Variants in SDF4 observed in about 807,000 individuals in gnomAD.
The protein encoded by SDF4 is 45 kDa calcium-binding protein.
A neutral mutation model predicts 34.2 loss-of-function variants in SDF4; 22 were observed. The observed-to-expected ratio is 0.64, with a 90% CI of 0.46 to 0.92. SDF4 has a LOEUF of 0.92. Among genes scored for constraint, SDF4 ranks in the 40% least tolerant of loss-of-function variants. The pLI is 0.00. For missense variants in SDF4, 447 were observed against 499.9 expected (o/e 0.89, Z 1.01); for synonymous variants, 236 against 203.1 (o/e 1.16, Z -1.38).
chr1:1,225,277 C>T (rs541692654), intron 2 of SDF4, among the ~76,000 whole-genome samples: 78 of 152,336 alleles, frequency 5.1e-4, no homozygotes, highest in African/African-American at 1.9e-3. Flanking sequence ...CCGGCTGGTG[C>T]GTTTGCCGGA....
rs1230562875 is a variant in SDF4, at chr1:1,218,953, T to C, written c.557-26A>G. 3 of 1,611,880 alleles carry C rather than the reference T, an allele frequency of 1.9e-6. No homozygotes were observed. Among genetic ancestry groups the C allele is most frequent in the Non-Finnish European group, 2.5e-6 (3 of 1,179,498 alleles). The stretch of plus-strand genomic sequence containing the variant: ...CTGAGAGGGGCGCAGCCTGTGGGTA[T>C]CGAGGCCGACAGACGCCAGCACGCA... On this transcript the variant is annotated intron_variant, in intron 4 of 6. Coordinates refer to ENST00000360001, the MANE Select transcript of SDF4 (RefSeq NM_016176.6). This position sits in a 1 kb window ranked among gnomAD's most constrained non-coding sequence, Gnocchi z 7.9.
At position 1,217,308 on chromosome 1, in the gene SDF4, G is replaced by A. The variant is rs1157690465; in HGVS notation, c.*204C>T. 3 of 253,048 alleles carry A rather than the reference G, an allele frequency of 1.2e-5. No homozygotes were observed. The highest frequency in any genetic ancestry group is 2.3e-5 in the African/African-American group (1 of 43,094). The allele number at this position is 253,048 out of a possible 1,614,324, so 15.7% of individuals were successfully genotyped here. ...CCGCGGGGCCACAGCCCAGCCCCGC[G>A]CCCCGACCGCGTCACAGCCAAAGCC... is the stretch of plus-strand genomic sequence containing the variant. On this transcript the variant is annotated 3_prime_UTR_variant, in exon 7 of 7. Coordinates refer to ENST00000360001, the MANE Select transcript of SDF4 (RefSeq NM_016176.6). The surrounding 1 kb of genome is among the most constrained non-coding windows in gnomAD (Gnocchi z 8.5).
Position 1,218,661 on chromosome 1 carries a change from A to T in SDF4, c.716-28T>A. 1 of 1,612,766 alleles carries T rather than the reference A, an allele frequency of 6.2e-7. No homozygotes were observed. The highest frequency in any genetic ancestry group is 1.1e-5 in the South Asian group (1 of 91,046). On this transcript the variant is annotated intron_variant, in intron 5 of 6. Coordinates refer to ENST00000360001, the MANE Select transcript of SDF4 (RefSeq NM_016176.6). This position sits in a 1 kb window ranked among gnomAD's most constrained non-coding sequence, Gnocchi z 7.9. ...GCGAGACGGGAATGGGTCAGCCCAC[A>T]CCCAGGCTGGGGCTCCCGCAGGACC...
chr1:1,220,904 G>A (rs1213710755), intron 4 of SDF4: 3 of 469,034 alleles, frequency 6.4e-6, no homozygotes, highest in Non-Finnish European at 1.1e-5. Flanking sequence ...CCGGGGTGGA[G>A]GCACGAACCG....
chr1:1,220,621 G>C, intron 4 of SDF4: 1 of 1,289,140 alleles, frequency 7.8e-7, no homozygotes, highest in Non-Finnish European at 1.0e-6. Flanking sequence ...AGCATGCATG[G>C]GGACCCCCAA....
intron 2 of SDF4, among the ~76,000 whole-genome samples, chr1:1,226,415 A>G (rs1638310308): frequency 6.6e-6 from 1 of 152,102 alleles, no homozygotes; most frequent in African/African-American, 2.4e-5. Flanking sequence ...CGGTCAGGAG[A>G]AAACACATCC....
chr1:1,228,919 C>T lies in SDF4; in HGVS notation c.-147G>A, dbSNP rs937143254. 1.1e-4 allele frequency: 75 copies of T among 687,078 alleles called. No homozygotes were observed. The highest frequency in any genetic ancestry group is 1.0e-3 in the African/African-American group (58 of 55,570). The allele number at this position is 687,078 out of a possible 1,614,324, so 42.6% of individuals were successfully genotyped here. On this transcript the variant is annotated 5_prime_UTR_variant, in exon 2 of 7. Transcript: ENST00000360001. ...GAGGGCTCTGTGTCCCCAGGACGGC[C>T]GCAGGATGGGGACAAGCAGCTCACA... is the stretch of plus-strand genomic sequence containing the variant.
At position 1,218,422 on chromosome 1, in the gene SDF4, G is replaced by T; in HGVS notation, c.891+36C>A. The T allele has an allele frequency of 1.3e-6, 2 of 1,596,598 alleles. No individual in the cohort carries two copies. Among genetic ancestry groups the T allele is most frequent in the Non-Finnish European group, 1.7e-6 (2 of 1,175,212 alleles). On this transcript the variant is annotated intron_variant, in intron 6 of 6. Coordinates refer to ENST00000360001, the MANE Select transcript of SDF4 (RefSeq NM_016176.6). The surrounding 1 kb of genome is among the most constrained non-coding windows in gnomAD (Gnocchi z 7.9). ...GCCCCTCCCGCCACAGCACCTCGCA[G>T]GGCCGGCTCCGGGACACGGCTGCGC... is the stretch of plus-strand genomic sequence containing the variant.
chr1:1,230,876 C>A (rs1245835051), intron 1 of SDF4, among the ~76,000 whole-genome samples: 1 of 152,220 alleles, frequency 6.6e-6, no homozygotes, highest in Non-Finnish European at 1.5e-5. Context: ...GACACCTCCT[C>A]CTGGTGCTGA....
intron 4 of SDF4, chr1:1,219,223 C>T (rs1253140384): frequency 2.4e-6 from 3 of 1,235,094 alleles, no homozygotes; most frequent in African/African-American, 3.3e-5. Context: ...GCCCCAGACC[C>T]CCAATACATG....
Position 1,217,798 on chromosome 1 carries a change from G to C in SDF4, c.892-110C>G. ...CCTATTGGCTGCAGCGGGAGTGTGGGCACGTTCTGGAAGGTTCCCGAAGGG... is the reference window on the plus strand; with the variant it reads ...CCTATTGGCTGCAGCGGGAGTGTGGCCACGTTCTGGAAGGTTCCCGAAGGG... On this transcript the variant is annotated intron_variant, in intron 6 of 6. Transcript: ENST00000360001. The surrounding 1 kb of genome is among the most constrained non-coding windows in gnomAD (Gnocchi z 8.5). 4 of 1,583,100 alleles carry C rather than the reference G, an allele frequency of 2.5e-6. No homozygotes were observed. Among genetic ancestry groups the C allele is most frequent in the Non-Finnish European group, 3.4e-6 (4 of 1,166,516 alleles).
chr1:1,219,725 G>A, intron 4 of SDF4: 1 of 986,124 alleles, frequency 1.0e-6, no homozygotes, highest in Non-Finnish European at 1.2e-6. Context: ...GGGTCTCCAG[G>A]ACAGAAACAC....
chr1:1,220,997 G>T, intron 4 of SDF4: 1 of 350,422 alleles, frequency 2.9e-6, no homozygotes, highest in Non-Finnish European at 5.6e-6. Flanking sequence ...GCTTGTGCCT[G>T]TAATCCCGGC....
At chr1:1,226,939 C>T (rs1638330259) in intron 2 of SDF4, among the ~76,000 whole-genome samples, 1 of 152,180 alleles carries the variant, frequency 6.6e-6, no homozygotes, top group Admixed American at 6.5e-5. Flanking sequence ...GCCCCAGGGG[C>T]ACCAGCAGCC....
chr1:1,224,580 A>G (rs1638237621), intron 2 of SDF4, among the ~76,000 whole-genome samples: 1 of 152,122 alleles, frequency 6.6e-6, no homozygotes, highest in Non-Finnish European at 1.5e-5. Context: ...GGCCCGGCCC[A>G]TGTTTTATTT....
chr1:1,224,175 C>T (rs1005990158), intron 2 of SDF4, among the ~76,000 whole-genome samples: 5 of 152,198 alleles, frequency 3.3e-5, no homozygotes, highest in African/African-American at 1.2e-4. Flanking sequence ...AGGTGGATGC[C>T]ACGGTCCCCT....
intron 4 of SDF4, chr1:1,220,453 G>A: frequency 8.4e-7 from 1 of 1,188,558 alleles, no homozygotes. Context: ...TCGCAGGAGT[G>A]ACGCCTGCCA....
intron 4 of SDF4, 81 bp from the exon 5 acceptor site, chr1:1,219,008 G>A: frequency 6.2e-7 from 1 of 1,611,540 alleles, no homozygotes; most frequent in East Asian, 2.2e-5. Context: ...GGTGCTGCCT[G>A]AACTCGAGGG....
Position 1,218,193 on chromosome 1 carries a change from G to A in SDF4, c.891+265C>T, listed in dbSNP as rs1649649090. On this transcript the variant is annotated intron_variant, in intron 6 of 6. Transcript: ENST00000360001. This position sits in a 1 kb window ranked among gnomAD's most constrained non-coding sequence, Gnocchi z 7.9. ...TCCCCTTGTGGTCCCGTTAAAAAGG[G>A]GCTGTGAGAACCCTGACGCCTCCGC... 6.6e-6 allele frequency among the ~76,000 whole-genome samples: 1 copy of A among 152,200 alleles called. No individual in the cohort carries two copies. Among genetic ancestry groups the A allele is most frequent in the African/African-American group, 2.4e-5 (1 of 41,448 alleles).
Sources: allele counts gnomAD v4.1 joint callset (sites outside exome capture counted in the v4.1 genomes callset), GRCh38; gene constraint gnomAD v4.1.1; non-coding constraint Gnocchi (gnomAD v3.1); transcripts MANE v1.5; gene names NCBI Gene and HGNC (gene_info 2026-07-23, HGNC 2026-07-21).